GPHN: variants seen among roughly 807,000 people sequenced by gnomAD.
GPHN encodes gephyrin.
In GPHN, 17 loss-of-function variants were observed where a neutral mutation model predicts 95.5. The observed-to-expected ratio is 0.18, with a 90% CI of 0.12 to 0.27. GPHN has a LOEUF of 0.27. GPHN is among the 10% of genes least tolerant of loss of function. The pLI is 1.00. For synonymous variants in GPHN, 320 were observed against 322.5 expected, an observed-to-expected ratio of 0.99 and a Z score of 0.08; for missense variants, 660 against 978.1, an observed-to-expected ratio of 0.67 and a Z score of 4.34.
chr14:66,770,097 C>T (rs559282894), intron 2 of GPHN, among the ~76,000 whole-genome samples: 53 of 152,168 alleles, frequency 3.5e-4, no homozygotes, highest in African/African-American at 1.3e-3. Flanking sequence ...TGAGCTTTTT[C>T]TCATGATTGT....
At chr14:67,354,794 T>C in the GPHN span, among the ~76,000 whole-genome samples, 8 of 152,192 alleles carry the variant, frequency 5.3e-5, no homozygotes, top group African/African-American at 9.7e-5. Flanking sequence ...TTTACTACTA[T>C]ATTCTTTTGT....
At chr14:67,519,977 C>T in the GPHN span, among the ~76,000 whole-genome samples, 4 of 152,148 alleles carry the variant, frequency 2.6e-5, no homozygotes, top group African/African-American at 9.7e-5. Flanking sequence ...CCCACCTCGG[C>T]CCCCCAAAGT....
chr14:66,573,452 T>C (rs973654223), intron 1 of GPHN, among the ~76,000 whole-genome samples: 2 of 140,730 alleles, frequency 1.4e-5, no homozygotes, highest in Admixed American at 7.0e-5. Flanking sequence ...ATAATAACCT[T>C]TTTTTTTTTT....
chr14:67,036,472 C>T (rs1315664073), intron 10 of GPHN, among the ~76,000 whole-genome samples: 1 of 142,150 alleles, frequency 7.0e-6, no homozygotes, highest in Non-Finnish European at 1.5e-5. Context: ...ATGTAGAAAA[C>T]TCTGAAAATT....
intron 1 of GPHN, among the ~76,000 whole-genome samples, chr14:66,564,773 G>A (rs935586590): frequency 2.0e-5 from 3 of 152,068 alleles, no homozygotes; most frequent in East Asian, 1.9e-4. Flanking sequence ...ATATGTTCAC[G>A]TGTTTGGTGG....
intron 5 of GPHN, among the ~76,000 whole-genome samples, chr14:66,889,144 A>G (rs1188167643): frequency 2.6e-5 from 4 of 152,154 alleles, no homozygotes; most frequent in Non-Finnish European, 5.9e-5. Flanking sequence ...CTATGCAAGA[A>G]TAGTTGAGGA....
Position 66,930,935 on chromosome 14 carries a change from G to C in GPHN, c.828+6643G>C, listed in dbSNP as rs184007780. On this transcript the variant is annotated intron_variant, in intron 8 of 22. Transcript: ENST00000478722. ...TTCTGTGTTTGTCTGTGTATTTATTGTTACCAGAGAGTTTGGGGCCTTCAG... is the reference window on the plus strand; with the variant it reads ...TTCTGTGTTTGTCTGTGTATTTATTCTTACCAGAGAGTTTGGGGCCTTCAG... Among the ~76,000 whole-genome samples the C allele has an allele frequency of 4.0e-3, 612 of 152,212 alleles. 4 individuals are homozygous for C. Among genetic ancestry groups the C allele is most frequent in the Non-Finnish European group, 7.4e-3 (503 of 68,000 alleles).
At chr14:66,522,467 T>C (rs1161415018) in intron 1 of GPHN, among the ~76,000 whole-genome samples, 1 of 152,190 alleles carries the variant, frequency 6.6e-6, no homozygotes, top group East Asian at 1.9e-4. Flanking sequence ...ATTCACAGTA[T>C]ATGAAGGCAT....
chr14:67,663,070 T>C, the GPHN span: 2 of 1,470,546 alleles, frequency 1.4e-6, no homozygotes, highest in South Asian at 1.4e-5. Context: ...CTTGTTTTTC[T>C]CTGGGTGTGG....
chr14:67,145,988 C>T (rs1052570569), intron 18 of GPHN, among the ~76,000 whole-genome samples: 1 of 152,224 alleles, frequency 6.6e-6, no homozygotes, highest in South Asian at 2.1e-4. Context: ...ACCAAAGCAT[C>T]AGGGAGACAC....
the GPHN span, among the ~76,000 whole-genome samples, chr14:67,719,404 GT>G: frequency 6.6e-6 from 1 of 152,208 alleles, no homozygotes; most frequent in African/African-American, 2.4e-5. Flanking sequence ...TTTCCAAGCA[GT>G]TCATTTGGAA....
chr14:67,542,137 A>G, the GPHN span: 1 of 784,590 alleles, frequency 1.3e-6, no homozygotes, highest in South Asian at 1.9e-5. Context: ...AAGGTAGTTT[A>G]AGACCAAAGT....
the GPHN span, among the ~76,000 whole-genome samples, chr14:67,734,944 C>T: frequency 6.6e-6 from 1 of 152,226 alleles, no homozygotes; most frequent in Non-Finnish European, 1.5e-5. Flanking sequence ...ATACTCCTAA[C>T]TGCAATGCTG....
the GPHN span, chr14:67,201,638 C>G: frequency 4.8e-6 from 2 of 420,676 alleles, no homozygotes; most frequent in Admixed American, 2.6e-5. Flanking sequence ...CCACCACTAC[C>G]CATTTAAGTT....
At chr14:67,078,471 T>G (rs1465741372) in intron 11 of GPHN, among the ~76,000 whole-genome samples, 1 of 152,138 alleles carries the variant, frequency 6.6e-6, no homozygotes, top group African/African-American at 2.4e-5. Flanking sequence ...GTTTGAAGCC[T>G]TAGGATACCT....
intron 1 of GPHN, among the ~76,000 whole-genome samples, chr14:66,621,855 A>G: frequency 6.6e-6 from 1 of 152,038 alleles, no homozygotes; most frequent in East Asian, 1.9e-4. Context: ...TACAGCCTCC[A>G]TCCCAGCTGC....
chr14:67,421,686 A>G, the GPHN span, among the ~76,000 whole-genome samples: 3 of 152,130 alleles, frequency 2.0e-5, no homozygotes, highest in Non-Finnish European at 4.4e-5. Context: ...GCTTCTAGAG[A>G]TGTGCATTCG....
chr14:67,027,893 T>G, intron 10 of GPHN, among the ~76,000 whole-genome samples: 1 of 152,190 alleles, frequency 6.6e-6, no homozygotes, highest in East Asian at 1.9e-4. Flanking sequence ...ACATTTCAAA[T>G]CCTATATTAT....
At chr14:66,729,226 G>A (rs1321022213) in intron 2 of GPHN, among the ~76,000 whole-genome samples, 1 of 152,098 alleles carries the variant, frequency 6.6e-6, no homozygotes, top group Admixed American at 6.5e-5. Flanking sequence ...TCTCGGGTAT[G>A]TCTTTATCAG....
Sources: gnomAD v4.1 joint callset for allele counts (sites outside exome capture counted in the v4.1 genomes callset) on GRCh38, gnomAD v4.1.1 for gene constraint, MANE v1.5 for transcripts, NCBI Gene and HGNC (gene_info 2026-07-23, HGNC 2026-07-21) for gene names.